Variants in ZCCHC7 observed in about 807,000 individuals in gnomAD.
The protein encoded by ZCCHC7 is zinc finger CCHC domain-containing protein 7.
Under a neutral mutation model 52.0 loss-of-function variants are expected in ZCCHC7, and 35 were observed. That is an observed-to-expected ratio of 0.67 (90% CI 0.51 to 0.89). The LOEUF is 0.89. Among genes scored for constraint, ZCCHC7 ranks in the 40% least tolerant of loss-of-function variants. The probability of loss-of-function intolerance (pLI) is 0.00; values close to 1 mark genes in which losing one functional copy is unlikely to be tolerated. For missense variants in ZCCHC7, 574 were observed against 649.1 expected (o/e 0.88, Z 1.26); for synonymous variants, 217 against 221.5 (o/e 0.98, Z 0.18).
At chr9:37,329,648 A>G (rs981203852) in intron 6 of ZCCHC7, among the ~76,000 whole-genome samples, 2 of 151,884 alleles carry the variant, frequency 1.3e-5, no homozygotes, top group African/African-American at 4.8e-5. Flanking sequence ...ATAGTTAAGT[A>G]ATTATTTAAA....
chr9:37,126,413 T>G lies in ZCCHC7; in HGVS notation c.81T>G (p.Val27=). The G allele has an allele frequency of 6.2e-7, 1 of 1,614,032 alleles. No individual in the cohort carries two copies. The highest frequency in any genetic ancestry group is 8.5e-7 in the Non-Finnish European group (1 of 1,180,004). The change falls in exon 2 of 9, where the codon GTT becomes GTG. Residue 27 remains valine, a synonymous_variant. Coordinates refer to ENST00000336755, the MANE Select transcript of ZCCHC7 (RefSeq NM_032226.3). ...YRDESSSELS[V]DSEVEFQLYS... The stretch of plus-strand genomic sequence containing the variant: ...ATGAGTCATCTAGTGAACTGAGTGT[T>G]GATAGTGAGGTGGAATTTCAACTCT...
At chr9:37,153,822 C>A (rs75599527) in intron 2 of ZCCHC7, among the ~76,000 whole-genome samples, 111 of 152,046 alleles carry the variant, frequency 7.3e-4, no homozygotes, top group African/African-American at 2.5e-3. Context: ...ATATTAGAAA[C>A]CAAAATCTGG....
intron 2 of ZCCHC7, among the ~76,000 whole-genome samples, chr9:37,224,691 C>G (rs1825004894): frequency 6.6e-6 from 1 of 152,094 alleles, no homozygotes. Flanking sequence ...TTTTGAAGTA[C>G]AAGGAGGCCA....
intron 2 of ZCCHC7, among the ~76,000 whole-genome samples, chr9:37,225,585 T>C (rs920162973): frequency 1.3e-5 from 2 of 152,190 alleles, no homozygotes; most frequent in Admixed American, 6.5e-5. Context: ...AAAAGATTAA[T>C]ATGTCATGAT....
At chr9:37,267,239 A>G (rs1827148582) in intron 2 of ZCCHC7, among the ~76,000 whole-genome samples, 1 of 152,326 alleles carries the variant, frequency 6.6e-6, no homozygotes, top group South Asian at 2.1e-4. Context: ...TTAAGGTGAG[A>G]TGAATCTTCT....
intron 6 of ZCCHC7, among the ~76,000 whole-genome samples, chr9:37,336,878 A>T (rs1201383744): frequency 6.6e-6 from 1 of 152,204 alleles, no homozygotes; most frequent in Non-Finnish European, 1.5e-5. Context: ...TTCTCCATCC[A>T]TGTACTAAAT....
At chr9:37,206,612 A>G (rs1354522548) in intron 2 of ZCCHC7, among the ~76,000 whole-genome samples, 6 of 152,032 alleles carry the variant, frequency 3.9e-5, no homozygotes, top group Non-Finnish European at 2.9e-5. Context: ...TCAGCTTCCT[A>G]AAGTGTTGAG....
intron 2 of ZCCHC7, among the ~76,000 whole-genome samples, chr9:37,156,625 T>C (rs1820828307): frequency 6.6e-6 from 1 of 152,218 alleles, no homozygotes; most frequent in Non-Finnish European, 1.5e-5. Flanking sequence ...TTAAATTCTT[T>C]ATAAAATAAA....
chr9:37,234,915 T>A (rs892095521), intron 2 of ZCCHC7, among the ~76,000 whole-genome samples: 35 of 152,332 alleles, frequency 2.3e-4, no homozygotes, highest in African/African-American at 8.4e-4. Context: ...CTCAAGTTGA[T>A]AATTTAAAAA....
Position 37,178,328 on chromosome 9 carries a change from T to C in ZCCHC7, c.610+51386T>C, listed in dbSNP as rs1181495770. Among the ~76,000 whole-genome samples, 6 of 145,204 alleles carry C rather than the reference T, an allele frequency of 4.1e-5. No individual in the cohort carries two copies. The East Asian group carries it at 1.0e-3, about 24-fold the overall frequency. ...ATTCGCCTTTGTAACTTAAAACACA[T>C]CCCAGCGTCACATACCATTTGTACC... is the stretch of plus-strand genomic sequence containing the variant. On this transcript the variant is annotated intron_variant, in intron 2 of 8. Coordinates refer to ENST00000336755, the MANE Select transcript of ZCCHC7 (RefSeq NM_032226.3).
chr9:37,298,249 A>C (rs1472903848), intron 2 of ZCCHC7, among the ~76,000 whole-genome samples: 3 of 152,250 alleles, frequency 2.0e-5, no homozygotes, highest in African/African-American at 7.2e-5. Context: ...AAATGGGGGC[A>C]AAGTGTAAAA....
intron 5 of ZCCHC7, 64 bp from the exon 6 acceptor site, chr9:37,327,735 A>G: frequency 6.3e-7 from 1 of 1,597,260 alleles, no homozygotes; most frequent in Non-Finnish European, 8.6e-7. Flanking sequence ...GGTTATGCCA[A>G]AACCAACAGG....
intron 2 of ZCCHC7, among the ~76,000 whole-genome samples, chr9:37,181,912 T>G (rs1822377660): frequency 6.6e-6 from 1 of 152,212 alleles, no homozygotes; most frequent in African/African-American, 2.4e-5. Flanking sequence ...CTTAAACTTC[T>G]GGGCTCAAGC....
chr9:37,177,585 AG>A (rs1359626378), intron 2 of ZCCHC7, among the ~76,000 whole-genome samples: 10 of 152,328 alleles, frequency 6.6e-5, no homozygotes, highest in Non-Finnish European at 1.3e-4. Context: ...TATGAAGTTC[AG>A]AAAGGGGTAA....
At chr9:37,291,730 G>C (rs969571587) in intron 2 of ZCCHC7, among the ~76,000 whole-genome samples, 5 of 151,960 alleles carry the variant, frequency 3.3e-5, no homozygotes, top group African/African-American at 1.2e-4. Flanking sequence ...GTTTTCTCTT[G>C]TTGCCCAGGC....
intron 6 of ZCCHC7, among the ~76,000 whole-genome samples, chr9:37,329,596 A>T (rs573825907): frequency 1.3e-5 from 2 of 151,880 alleles, no homozygotes; most frequent in South Asian, 4.1e-4. Flanking sequence ...TAAAACTAGC[A>T]TGTTTATGAA....
At chr9:37,314,681 G>A (rs1227832925) in intron 5 of ZCCHC7, among the ~76,000 whole-genome samples, 1 of 149,604 alleles carries the variant, frequency 6.7e-6, no homozygotes, top group East Asian at 2.0e-4. Flanking sequence ...GGAGGATGAA[G>A]CAGGAAGATC....
intron 2 of ZCCHC7, among the ~76,000 whole-genome samples, chr9:37,201,621 T>C (rs772910836): frequency 6.6e-6 from 1 of 152,196 alleles, no homozygotes; most frequent in Non-Finnish European, 1.5e-5. Flanking sequence ...AATCCAGTGG[T>C]CCAGAGTTAC....
At position 37,170,552 on chromosome 9, in the gene ZCCHC7, T is replaced by G. The variant is rs1315212563; in HGVS notation, c.610+43610T>G. 3.3e-5 allele frequency among the ~76,000 whole-genome samples: 5 copies of G among 152,154 alleles called. No individual in the cohort carries two copies. In the East Asian group the frequency reaches 9.6e-4, roughly 29 times the overall value. On this transcript the variant is annotated intron_variant, in intron 2 of 8. Transcript: ENST00000336755. ...ATAGAGTGATGGGACTGGTACGCAT[T>G]TTTGTTCTCTAGGGTTGGTAAGAGG... is the stretch of plus-strand genomic sequence containing the variant.
Sources: gnomAD v4.1 joint callset for allele counts (sites outside exome capture counted in the v4.1 genomes callset) on GRCh38, gnomAD v4.1.1 for gene constraint, MANE v1.5 for transcripts, NCBI Gene and HGNC (gene_info 2026-07-23, HGNC 2026-07-21) for gene names.